ANKFN1: variants seen among roughly 807,000 people sequenced by gnomAD.
ANKFN1 encodes the protein ankyrin repeat and fibronectin type-III domain-containing protein 1.
In ANKFN1, 74 loss-of-function variants were observed where a neutral mutation model predicts 108.7. The observed-to-expected ratio is 0.68, with a 90% confidence interval of 0.56 to 0.83. ANKFN1 has a LOEUF of 0.83. ANKFN1 is among the 40% of genes least tolerant of loss of function. The pLI is 0.00. For missense variants in ANKFN1, 1,505 were observed against 1,382.3 expected (o/e 1.09, Z -1.41); for synonymous variants, 547 against 516.2 (o/e 1.06, Z -0.81).
At chr17:56,403,611 G>A (rs149406129) in intron 8 of ANKFN1, among the ~76,000 whole-genome samples, 200 of 152,266 alleles carry the variant, frequency 1.3e-3, no homozygotes, top group African/African-American at 4.6e-3. Context: ...CTGTGGTTCT[G>A]TATCTTTTAA....
rs2051777678 is a variant in ANKFN1, at chr17:56,511,675, G to A, written c.*406G>A. ...ATTGATGAAGAGAAGTTCTATAAATGAAAATAAGATTAGCATCATTTCTCC... is the reference window on the plus strand; with the variant it reads ...ATTGATGAAGAGAAGTTCTATAAATAAAAATAAGATTAGCATCATTTCTCC... On this transcript the variant is annotated 3_prime_UTR_variant, in exon 21 of 21. Coordinates refer to ENST00000682825, the MANE Select transcript of ANKFN1 (RefSeq NM_001370326.1). 1 of 162,076 alleles carries A rather than the reference G, an allele frequency of 6.2e-6. No homozygotes were observed. The highest frequency in any genetic ancestry group is 1.3e-5 in the Non-Finnish European group (1 of 75,026). The allele number at this position is 162,076 out of a possible 1,614,324, so 10.0% of individuals were successfully genotyped here. A position where few individuals can be genotyped will look rare whatever the true frequency, so the allele number is the denominator to read the frequency against.
chr17:56,055,381 A>T (rs117521832), intron 4 of ANKFN1, among the ~76,000 whole-genome samples: 1,782 of 150,476 alleles, frequency 0.012, 13 homozygotes, highest in Non-Finnish European at 0.021. Flanking sequence ...AGCTTCATTC[A>T]TGTTGCTGCA....
chr17:56,167,997 T>C (rs1455703108), intron 1 of ANKFN1, among the ~76,000 whole-genome samples: 4 of 152,164 alleles, frequency 2.6e-5, no homozygotes, highest in Admixed American at 1.3e-4. Context: ...GCAGGCGTGG[T>C]GGCTCACACC....
chr17:56,260,924 C>G (rs188344413), intron 3 of ANKFN1, among the ~76,000 whole-genome samples: 9 of 152,344 alleles, frequency 5.9e-5, no homozygotes, highest in African/African-American at 2.2e-4. Flanking sequence ...TTAACTTACT[C>G]CTCTTTTGAG....
intron 3 of ANKFN1, among the ~76,000 whole-genome samples, chr17:56,262,779 A>G (rs2043548985): frequency 6.6e-6 from 1 of 152,132 alleles, no homozygotes; most frequent in Admixed American, 6.6e-5. Context: ...ACAACCTGTG[A>G]CCTTTTTTAT....
chr17:56,477,969 A>C (rs534594998), intron 16 of ANKFN1, among the ~76,000 whole-genome samples: 1 of 152,268 alleles, frequency 6.6e-6, no homozygotes, highest in Non-Finnish European at 1.5e-5. Flanking sequence ...CTGGGATTAC[A>C]GGTGTGCACC....
At chr17:56,219,291 G>A (rs1336521060) in intron 2 of ANKFN1, among the ~76,000 whole-genome samples, 4 of 151,826 alleles carry the variant, frequency 2.6e-5, no homozygotes, top group Admixed American at 1.3e-4. Context: ...CCGTCACCCA[G>A]GCTGGAGTTC....
At chr17:56,183,384 C>A (rs1007805649) in intron 1 of ANKFN1, among the ~76,000 whole-genome samples, 1 of 152,006 alleles carries the variant, frequency 6.6e-6, no homozygotes, top group Non-Finnish European at 1.5e-5. Flanking sequence ...GATGTTTGTC[C>A]CCTCCAAATC....
chr17:56,367,077 A>C (rs1227217467), intron 6 of ANKFN1, among the ~76,000 whole-genome samples: 4 of 152,200 alleles, frequency 2.6e-5, no homozygotes, highest in African/African-American at 9.6e-5. Flanking sequence ...TTTTCTCATC[A>C]TTGAAAAACA....
At chr17:56,194,221 G>A (rs981920235) in intron 1 of ANKFN1, among the ~76,000 whole-genome samples, 6 of 152,130 alleles carry the variant, frequency 3.9e-5, no homozygotes, top group Admixed American at 6.6e-5. Flanking sequence ...TTACAAGACC[G>A]AACATACTTT....
At chr17:56,229,661 CAAAA>C (rs58714064) in intron 3 of ANKFN1, among the ~76,000 whole-genome samples, 121 of 40,180 alleles carry the variant, frequency 3.0e-3, no homozygotes, top group Middle Eastern at 0.023. Context: ...TTTCAGATTG[CAAAA>C]AAAAAAAAAA....
At chr17:56,302,768 A>T (rs962992847) in intron 3 of ANKFN1, among the ~76,000 whole-genome samples, 1 of 152,120 alleles carries the variant, frequency 6.6e-6, no homozygotes, top group African/African-American at 2.4e-5. Context: ...ATACATATAA[A>T]TTTTTTACAC....
Position 56,480,663 on chromosome 17 carries a change from T to C in ANKFN1, c.1941-5T>C, listed in dbSNP as rs1425301953. The C allele has an allele frequency of 1.2e-6, 2 of 1,613,552 alleles. No homozygotes were observed. Among genetic ancestry groups the C allele is most frequent in the South Asian group, 1.1e-5 (1 of 91,036 alleles). On this transcript the variant is annotated splice_polypyrimidine_tract_variant and splice_region_variant and intron_variant, in intron 16 of 20. Transcript: ENST00000682825. ...TTTCTAATTTTAACTTGACTCAACA[T>C]ACAGAGAGGAATGGGAATGGATCCA...
intron 8 of ANKFN1, among the ~76,000 whole-genome samples, chr17:56,409,059 A>T (rs2048007522): frequency 1.3e-5 from 2 of 150,528 alleles, no homozygotes; most frequent in South Asian, 4.3e-4. Flanking sequence ...TAAGTAGCTG[A>T]GATTAAAGGC....
intron 3 of ANKFN1, among the ~76,000 whole-genome samples, chr17:56,306,925 A>C (rs994870162): frequency 6.6e-6 from 1 of 152,240 alleles, no homozygotes; most frequent in Non-Finnish European, 1.5e-5. Context: ...ATAATGCCGC[A>C]TATCTACAAC....
chr17:56,109,705 C>T (rs1905849496), intron 4 of ANKFN1, among the ~76,000 whole-genome samples: 1 of 152,176 alleles, frequency 6.6e-6, no homozygotes, highest in South Asian at 2.1e-4. Context: ...AACCTAACTT[C>T]GAGGAGGTAG....
chr17:56,123,347 A>G (rs754517877), intron 4 of ANKFN1, among the ~76,000 whole-genome samples: 1 of 152,232 alleles, frequency 6.6e-6, no homozygotes, highest in Non-Finnish European at 1.5e-5. Context: ...GGGCTGAAAC[A>G]TCACAGTATG....
chr17:56,415,599 T>C (rs1056092024), intron 8 of ANKFN1, among the ~76,000 whole-genome samples: 1 of 152,214 alleles, frequency 6.6e-6, no homozygotes, highest in East Asian at 1.9e-4. Flanking sequence ...CCCATGTTCA[T>C]GGGTTGGAAG....
chr17:56,337,893 T>G (rs1007101405), intron 4 of ANKFN1, among the ~76,000 whole-genome samples: 1 of 152,186 alleles, frequency 6.6e-6, no homozygotes, highest in Non-Finnish European at 1.5e-5. Context: ...GAAGACAGTG[T>G]GGGGATTCCT....
Sources: gnomAD v4.1 joint callset for allele counts (sites outside exome capture counted in the v4.1 genomes callset) on GRCh38, gnomAD v4.1.1 for gene constraint, MANE v1.5 for transcripts, NCBI Gene and HGNC (gene_info 2026-07-23, HGNC 2026-07-21) for gene names.